ABHD2: variants seen among roughly 807,000 people sequenced by gnomAD.
ABHD2 encodes the protein abhydrolase domain containing 2, acylglycerol lipase.
Under a neutral mutation model 48.1 loss-of-function variants are expected in ABHD2, and 20 were observed. The ratio of observed to expected loss-of-function variants is 0.42; its 90% CI spans 0.29 to 0.60. The LOEUF (loss-of-function observed/expected upper bound fraction) is 0.60. Ranked by LOEUF, ABHD2 falls within the 20% of genes least tolerant of loss-of-function variation. The pLI is 0.24. For synonymous variants in ABHD2, 209 were observed against 214.2 expected (o/e 0.98, Z 0.21); for missense variants, 405 against 550.9 (o/e 0.74, Z 2.65).
chr15:89,063,956 G>C, the ABHD2 span, among the ~76,000 whole-genome samples: 1 of 151,916 alleles, frequency 6.6e-6, no homozygotes, highest in African/African-American at 2.4e-5. Context: ...CCACGGACAG[G>C]TGCCAGTCCA....
intron 3 of ABHD2, among the ~76,000 whole-genome samples, chr15:89,135,148 T>C (rs7179737): frequency 1.7e-3 from 3 of 1,750 alleles, no homozygotes; most frequent in Non-Finnish European, 3.5e-3. Context: ...TTTTTCTTTT[T>C]TTTTTTTTTT....
At chr15:89,193,390 A>T in intron 10 of ABHD2, 71 bp downstream of exon 10, 1 of 1,262,232 alleles carries the variant, frequency 7.9e-7, no homozygotes, top group Non-Finnish European at 1.2e-6. Context: ...CACCTTCACC[A>T]TGCTGTCATC....
chr15:89,163,045 G>A (rs1003055257), intron 5 of ABHD2, among the ~76,000 whole-genome samples: 2 of 152,162 alleles, frequency 1.3e-5, no homozygotes, highest in African/African-American at 4.8e-5. Context: ...TAGGCACATT[G>A]CCTCTCTTTT....
In ABHD2 at chr15:89,092,166, C is replaced by T. The variant is rs1371601497; in HGVS notation, c.-107+3603C>T. On this transcript the variant is annotated intron_variant, in intron 1 of 10. Coordinates refer to ENST00000352732, the MANE Select transcript of ABHD2 (RefSeq NM_152924.5). The surrounding 1 kb of genome is among the most constrained non-coding windows in gnomAD (Gnocchi z 4.4). ...GGTTGGTGTGGACAGACGATAAGCT[C>T]CACCATTACCCCTGAAGCTTGTGGA... is the stretch of plus-strand genomic sequence containing the variant. Among the ~76,000 whole-genome samples, 1 of 152,190 alleles carries T rather than the reference C, an allele frequency of 6.6e-6. No homozygotes were observed. Among genetic ancestry groups the T allele is most frequent in the Non-Finnish European group, 1.5e-5 (1 of 68,028 alleles).
At chr15:89,157,967 A>T (rs1001260751) in intron 5 of ABHD2, among the ~76,000 whole-genome samples, 1 of 152,094 alleles carries the variant, frequency 6.6e-6, no homozygotes, top group Admixed American at 6.6e-5. Flanking sequence ...GCCAAATCAA[A>T]CACAAAGAAA....
chr15:89,129,850 A>G (rs1362668303), intron 3 of ABHD2, among the ~76,000 whole-genome samples: 1 of 152,008 alleles, frequency 6.6e-6, no homozygotes, highest in African/African-American at 2.4e-5. Flanking sequence ...CATGTGTAAG[A>G]GTTCAGTAAA....
At chr15:89,053,468 C>T in the ABHD2 span, among the ~76,000 whole-genome samples, 1 of 152,242 alleles carries the variant, frequency 6.6e-6, no homozygotes, top group East Asian at 1.9e-4. Context: ...AGGCAGCCAA[C>T]TGCTGACTGA....
In ABHD2 at chr15:89,185,505, C is replaced by T. The variant is rs749149742; in HGVS notation, c.804C>T (p.Ile268=). 8.1e-6 allele frequency: 13 copies of T among 1,613,890 alleles called. No homozygotes were observed. Among genetic ancestry groups the T allele is most frequent in the Admixed American group, 1.7e-5 (1 of 59,994 alleles). ...TGGCTGACAACATGAAGAAGATCATCCTCTCGCACAGGTAGGTCACCTTCC... is the reference window on the plus strand; with the variant it reads ...TGGCTGACAACATGAAGAAGATCATTCTCTCGCACAGGTAGGTCACCTTCC... ...FLMADNMKKI[I]LSHRQALFGD... is the part of the protein sequence containing the mutation. The change falls in exon 7 of 11, where the codon ATC becomes ATT. Residue 268 remains isoleucine (I), a synonymous_variant. Coordinates refer to ENST00000352732, the MANE Select transcript of ABHD2 (RefSeq NM_152924.5). This position sits in a 1 kb window ranked among gnomAD's most constrained non-coding sequence, Gnocchi z 5.9.
the ABHD2 span, among the ~76,000 whole-genome samples, chr15:89,063,822 A>C: frequency 2.6e-5 from 4 of 152,044 alleles, no homozygotes; most frequent in African/African-American, 9.7e-5. Flanking sequence ...GACTGGTTTC[A>C]TGGAAGACAA....
At position 89,140,777 on chromosome 15, in the gene ABHD2, T is replaced by C. The variant is rs116882058; in HGVS notation, c.195-10900T>C. Among the ~76,000 whole-genome samples, 5 of 152,260 alleles carry C rather than the reference T, an allele frequency of 3.3e-5. No individual in the cohort carries two copies. The East Asian group carries it at 7.7e-4, about 24-fold the overall frequency. On this transcript the variant is annotated intron_variant, in intron 3 of 10. Coordinates refer to ENST00000352732, the MANE Select transcript of ABHD2 (RefSeq NM_152924.5). The stretch of plus-strand genomic sequence containing the variant: ...TACTGTATCTTCACGTTTAAAGATG[T>C]GTTTTTGTTTTCCATTTCCTTTGTT...
the ABHD2 span, among the ~76,000 whole-genome samples, chr15:89,055,323 C>CTTTTTTTTTTTTTTTTTTTTTTTTTTT: frequency 1.6e-5 from 2 of 124,796 alleles, 1 homozygote; most frequent in Non-Finnish European, 3.4e-5. Flanking sequence ...ACACTAGTTT[C>CTTTTTTTTTTTTTTTTTTTTTTTTTTT]TTTTTTTTTT....
intron 1 of ABHD2, among the ~76,000 whole-genome samples, chr15:89,107,185 G>A (rs193136506): frequency 6.6e-6 from 1 of 152,284 alleles, no homozygotes; most frequent in East Asian, 1.9e-4. Flanking sequence ...GCTGTGCACT[G>A]CCAAGGATGC....
At position 89,185,239 on chromosome 15, in the gene ABHD2, T is replaced by G. The variant is rs7171995; in HGVS notation, c.723-185T>G. On this transcript the variant is annotated intron_variant, in intron 6 of 10. Coordinates refer to ENST00000352732, the MANE Select transcript of ABHD2 (RefSeq NM_152924.5). The surrounding 1 kb of genome is among the most constrained non-coding windows in gnomAD (Gnocchi z 5.9). ...CCCCTTCCCCTGCGCTGTCTTGGTG[T>G]CTCCATAGATTTCTCCACAGGTGTT... Among the ~76,000 whole-genome samples, 199 of 152,184 alleles carry G rather than the reference T, an allele frequency of 1.3e-3. No homozygotes were observed. The highest frequency in any genetic ancestry group is 4.4e-3 in the African/African-American group (184 of 41,538).
chr15:89,180,851 A>G (rs1261198872), intron 6 of ABHD2, among the ~76,000 whole-genome samples: 1 of 152,248 alleles, frequency 6.6e-6, no homozygotes, highest in Admixed American at 6.5e-5. Context: ...TAAATTAATA[A>G]TATACCAACT....
At chr15:89,086,728 G>A (rs1901360447), upstream of ABHD2, among the ~76,000 whole-genome samples, 2 of 152,184 alleles carry the variant, frequency 1.3e-5, no homozygotes. Context: ...ATACATTGTG[G>A]GATAGCTACA....
rs2051013238 is a variant in ABHD2, at chr15:89,176,348, T to C, written c.722+353T>C. Among the ~76,000 whole-genome samples, 1 of 152,196 alleles carries C rather than the reference T, an allele frequency of 6.6e-6. No individual in the cohort carries two copies. Among genetic ancestry groups the C allele is most frequent in the African/African-American group, 2.4e-5 (1 of 41,446 alleles). On this transcript the variant is annotated intron_variant, in intron 6 of 10. Coordinates refer to ENST00000352732, the MANE Select transcript of ABHD2 (RefSeq NM_152924.5). The surrounding 1 kb of genome is among the most constrained non-coding windows in gnomAD (Gnocchi z 4.5). ...GGATTAATGAAAGAGCACAGGAGAC[T>C]GGCAAGCTGGGATCTGAAAGCTGGG...
At position 89,111,871 on chromosome 15, in the gene ABHD2, G is replaced by A. The variant is rs572707863; in HGVS notation, c.-106-1854G>A. On this transcript the variant is annotated intron_variant, in intron 1 of 10. Coordinates refer to ENST00000352732, the MANE Select transcript of ABHD2 (RefSeq NM_152924.5). ...CAATGAAAATATCAATAAATAAAAG[G>A]CACTACATCTTGTTATCCTATCAGC... 3.0e-4 allele frequency among the ~76,000 whole-genome samples: 46 copies of A among 152,060 alleles called. No homozygotes were observed. In the South Asian group the frequency reaches 9.6e-3, roughly 32 times the overall value.
chr15:89,187,275 A>C (rs2051226415), intron 7 of ABHD2, among the ~76,000 whole-genome samples: 1 of 152,254 alleles, frequency 6.6e-6, no homozygotes, highest in South Asian at 2.1e-4. Context: ...GTGTACTCTA[A>C]GTATTCACAT....
rs977142092 is a variant in ABHD2, at chr15:89,102,522, G to T, written c.-106-11203G>T. The stretch of plus-strand genomic sequence containing the variant: ...CAGGTTCTGTCCTCTTCATTTGCAA[G>T]CCACTGCTTTATCCACGAGGGTGCT... On this transcript the variant is annotated intron_variant, in intron 1 of 10. Coordinates refer to ENST00000352732, the MANE Select transcript of ABHD2 (RefSeq NM_152924.5). This position sits in a 1 kb window ranked among gnomAD's most constrained non-coding sequence, Gnocchi z 4.8. The T allele has an allele frequency of 6.6e-6, 1 of 152,244 alleles. No homozygotes were observed. The highest frequency in any genetic ancestry group is 2.4e-5 in the African/African-American group (1 of 41,452). 9.4% of individuals were successfully genotyped at this position (152,244 alleles called of 1,614,324 possible). A position where few individuals can be genotyped will look rare whatever the true frequency, so the allele number is the denominator to read the frequency against.
Sources: gnomAD v4.1 joint callset for allele counts (sites outside exome capture counted in the v4.1 genomes callset) on GRCh38, gnomAD v4.1.1 for gene constraint, Gnocchi (gnomAD v3.1) non-coding constraint, MANE v1.5 for transcripts, NCBI Gene and HGNC (gene_info 2026-07-23, HGNC 2026-07-21) for gene names.